The following ABCA10 variants were observed in gnomAD, a reference collection of about 807,000 sequenced individuals.
The protein encoded by ABCA10 is ATP binding cassette subfamily A member 10.
Under a neutral mutation model 187.5 loss-of-function variants are expected in ABCA10, and 169 were observed. That is an observed-to-expected ratio of 0.90 (90% CI 0.80 to 1.02). ABCA10 has a LOEUF of 1.02. ABCA10 is among the 50% of genes least tolerant of loss of function. The probability of loss-of-function intolerance (pLI) is 0.00; values close to 1 mark genes in which losing one functional copy is unlikely to be tolerated. For missense variants in ABCA10, 1,727 were observed against 1,812.4 expected (o/e 0.95, Z 0.86); for synonymous variants, 574 against 601.8 (o/e 0.95, Z 0.68).
intron 1 of ABCA10, among the ~76,000 whole-genome samples, chr17:69,238,469 CA>C (rs889001464): frequency 6.6e-6 from 1 of 152,122 alleles, no homozygotes; most frequent in African/African-American, 2.4e-5. Context: ...GGACTAGAGA[CA>C]TGACAGATAG....
chr17:69,149,034 T>C lies in ABCA10; in HGVS notation c.4532A>G (p.Gln1511Arg). 1 of 1,613,216 alleles carries C rather than the reference T, an allele frequency of 6.2e-7. No individual in the cohort carries two copies. Among genetic ancestry groups the C allele is most frequent in the Non-Finnish European group, 8.5e-7 (1 of 1,179,792 alleles). Residue 1511 changes from glutamine to arginine, a missense_variant and splice_region_variant, in exon 38 of 39, where the codon CAG (glutamine) becomes CGG (arginine). Gln to Arg is a conservative substitution (Grantham distance 43). Coordinates refer to ENST00000690296, the MANE Select transcript of ABCA10 (RefSeq NM_001377321.1). ...CTCACTCGTTCAATGAAAACCCACC[T>C]GCTCCAAGGTAGCCTGAGAGAGGCT... ...EYSLSQATLE[Q>R]VFLELCKEQE... is the part of the protein sequence containing the mutation.
At chr17:69,184,877 A>G (rs1281596484) in intron 20 of ABCA10, among the ~76,000 whole-genome samples, 1 of 148,054 alleles carries the variant, frequency 6.8e-6, no homozygotes, top group African/African-American at 2.6e-5. Flanking sequence ...GTGTGTATAT[A>G]TATACACACA....
At position 69,182,706 on chromosome 17, in the gene ABCA10, T is replaced by TTAC. The variant is rs2074389788; in HGVS notation, c.2599_2600insGTA (p.Tyr866_Asn867insSer). 3 of 1,610,414 alleles carry TTAC rather than the reference T, an allele frequency of 1.9e-6. No individual in the cohort carries two copies. The highest frequency in any genetic ancestry group is 2.5e-6 in the Non-Finnish European group (3 of 1,178,822). Reference sequence around the variant, plus strand: ...GTCACCAGACACTATGATGGCTCCATTGTAGGAGGGATCATCTGAGCCATT... The same window carrying TTAC: ...GTCACCAGACACTATGATGGCTCCATTACTGTAGGAGGGATCATCTGAGCCATT... On this transcript the variant is annotated inframe_insertion, in exon 21 of 39. Transcript: ENST00000690296.
chr17:69,183,971 TG>T (rs563097507), intron 20 of ABCA10, among the ~76,000 whole-genome samples: 1 of 152,186 alleles, frequency 6.6e-6, no homozygotes, highest in East Asian at 1.9e-4. Flanking sequence ...TCTTGTAGCA[TG>T]GGGTGAGTTC....
chr17:69,228,202 G>A (rs1362103526), intron 1 of ABCA10, among the ~76,000 whole-genome samples: 1 of 151,720 alleles, frequency 6.6e-6, no homozygotes, highest in Non-Finnish European at 1.5e-5. Flanking sequence ...AGCTCCATAA[G>A]CAAACCACAA....
chr17:69,167,512 A>G (rs957525557), intron 25 of ABCA10, among the ~76,000 whole-genome samples: 5 of 152,192 alleles, frequency 3.3e-5, no homozygotes, highest in African/African-American at 9.7e-5. Context: ...CAGAAATAAA[A>G]AAGAGATTGT....
In ABCA10 at chr17:69,214,974, G is replaced by A. The variant is rs758013098; in HGVS notation, c.859-123C>T. 1.4e-3 allele frequency: 982 copies of A among 679,158 alleles called. 3 individuals carry two copies. The highest frequency in any genetic ancestry group is 1.6e-3 in the Non-Finnish European group (714 of 457,240). The allele number at this position is 679,158 out of a possible 1,614,324, so 42.1% of individuals were successfully genotyped here. A position where few individuals can be genotyped will look rare whatever the true frequency, so the allele number is the denominator to read the frequency against. On this transcript the variant is annotated intron_variant, in intron 8 of 38. Transcript: ENST00000690296. ...AATATTTTAATACCTTTTCAAATAT[G>A]CATAGTAAATGTGCTATTAGTATTG...
intron 9 of ABCA10, among the ~76,000 whole-genome samples, chr17:69,214,230 G>T (rs2074683395): frequency 6.6e-6 from 1 of 152,150 alleles, no homozygotes; most frequent in South Asian, 2.1e-4. Flanking sequence ...AAATGATTCA[G>T]TTCGGCCGGG....
intron 1 of ABCA10, among the ~76,000 whole-genome samples, chr17:69,238,213 G>T (rs777046655): frequency 1.3e-5 from 2 of 151,644 alleles, no homozygotes; most frequent in African/African-American, 2.4e-5. Context: ...AAGAGGCATG[G>T]AACTGATTCT....
In ABCA10 at chr17:69,153,943, A is replaced by G. The variant is rs2074151575; in HGVS notation, c.3853T>C (p.Tyr1285His). The G allele has an allele frequency of 6.2e-7, 1 of 1,614,032 alleles. No homozygotes were observed. Among genetic ancestry groups the G allele is most frequent in the South Asian group, 1.1e-5 (1 of 91,054 alleles). The change falls in exon 32 of 39, where the codon TAC becomes CAC. Residue 1285 changes from tyrosine to histidine, a missense_variant. Physicochemically the swap from Tyr to His is moderately conservative, Grantham distance 83. Coordinates refer to ENST00000690296, the MANE Select transcript of ABCA10 (RefSeq NM_001377321.1). Reference sequence around the variant, plus strand: ...CACAGTGAGTTCTCCTGAGGGCAGTACCCCAAGAACTTGAGGCTGTTGTCA... The same window carrying G: ...CACAGTGAGTTCTCCTGAGGGCAGTGCCCCAAGAACTTGAGGCTGTTGTCA... The part of the protein sequence containing the change: ...QHDNSLKFLG[Y>H]CPQENSLWPK...
Position 69,148,859 on chromosome 17 carries a change from C to T in ABCA10, c.4600G>A (p.Glu1534Lys). ...NVDDKIDTTV[E>K]WKLLPQEDP ...TCTTCCTGTGGGAGAAGTTTCCATT[C>T]AACTGTTGTATCAATTTTATCATCA... The change falls in exon 39 of 39, where the codon GAA (glutamate) becomes AAA (lysine). Residue 1534 changes from glutamate to lysine, a missense_variant. Glu to Lys is a moderately conservative substitution (Grantham distance 56). Coordinates refer to ENST00000690296, the MANE Select transcript of ABCA10 (RefSeq NM_001377321.1). The T allele has an allele frequency of 6.2e-7, 1 of 1,613,206 alleles. No individual in the cohort carries two copies. Among genetic ancestry groups the T allele is most frequent in the Admixed American group, 1.7e-5 (1 of 59,992 alleles).
intron 9 of ABCA10, among the ~76,000 whole-genome samples, chr17:69,209,242 C>T (rs898743131): frequency 2.0e-5 from 3 of 152,120 alleles, no homozygotes; most frequent in African/African-American, 7.2e-5. Context: ...CAAGTTAGGG[C>T]AACATGTTAA....
At position 69,155,080 on chromosome 17, in the gene ABCA10, A is replaced by T; in HGVS notation, c.3633T>A (p.Ser1211Arg). The T allele has an allele frequency of 6.2e-7, 1 of 1,613,150 alleles. No homozygotes were observed. The highest frequency in any genetic ancestry group is 1.1e-5 in the South Asian group (1 of 90,922). Reference protein sequence around the residue: ...LHKEYYETKKSCFSTRKKKIA... With the variant: ...LHKEYYETKKRCFSTRKKKIA... ...TTTTCTTCTTTCTTGTTGAAAAGCA[A>T]CTTTTCTTTGTCTCATAATATTCCT... The change falls in exon 30 of 39, where the codon AGT (serine) becomes AGA (arginine). Residue 1211 changes from serine to arginine, a missense_variant. Physicochemically the swap from Ser to Arg is moderately radical, Grantham distance 110. Coordinates refer to ENST00000690296, the MANE Select transcript of ABCA10 (RefSeq NM_001377321.1).
chr17:69,180,969 T>C (rs2074376205), intron 22 of ABCA10, among the ~76,000 whole-genome samples: 1 of 151,978 alleles, frequency 6.6e-6, no homozygotes, highest in African/African-American at 2.4e-5. Context: ...TTGCATCTGA[T>C]CAAAAATTGC....
chr17:69,217,727 T>C (rs773493418), intron 6 of ABCA10, among the ~76,000 whole-genome samples: 5 of 152,220 alleles, frequency 3.3e-5, no homozygotes, highest in Admixed American at 6.5e-5. Context: ...GTGAGGGCTT[T>C]ACAAGAAATA....
At chr17:69,211,833 C>G (rs1240843642) in intron 9 of ABCA10, among the ~76,000 whole-genome samples, 1 of 152,070 alleles carries the variant, frequency 6.6e-6, no homozygotes, top group Non-Finnish European at 1.5e-5. Flanking sequence ...TGTAATATCT[C>G]TCATTTCATT....
intron 23 of ABCA10, 28 bp downstream of exon 23, chr17:69,175,378 A>G (rs752830151): frequency 1.9e-6 from 3 of 1,568,422 alleles, no homozygotes; most frequent in Non-Finnish European, 2.6e-6. Context: ...AATCAATCTC[A>G]ATCTAATTTC....
At chr17:69,149,391 T>C (rs973139051) in intron 37 of ABCA10, 7 of 312,228 alleles carry the variant, frequency 2.2e-5, no homozygotes, top group Non-Finnish European at 4.1e-5. Context: ...ATTTATTCTA[T>C]ATTTGTAAAT....
chr17:69,157,964 A>G (rs923836982), intron 27 of ABCA10, among the ~76,000 whole-genome samples: 7 of 152,106 alleles, frequency 4.6e-5, no homozygotes, highest in African/African-American at 1.7e-4. Context: ...ATTAATTTTT[A>G]ATGGTTTTAT....
Sources: gnomAD v4.1 joint callset for allele counts (sites outside exome capture counted in the v4.1 genomes callset) on GRCh38, gnomAD v4.1.1 for gene constraint, MANE v1.5 for transcripts, NCBI Gene and HGNC (gene_info 2026-07-23, HGNC 2026-07-21) for gene names.